Variants in CLVS1 observed in about 807,000 individuals in gnomAD.
The protein encoded by CLVS1 is clavesin-1.
A neutral mutation model predicts 33.1 loss-of-function variants in CLVS1; 10 were observed. That is an observed-to-expected ratio of 0.30 (90% CI 0.19 to 0.51). The LOEUF (loss-of-function observed/expected upper bound fraction) is 0.51. Among genes scored for constraint, CLVS1 ranks in the 20% least tolerant of loss-of-function variants. The pLI is 0.97. For synonymous variants in CLVS1, 163 were observed against 166.1 expected, an observed-to-expected ratio of 0.98 and a Z score of 0.14; for missense variants, 343 against 433.4, an observed-to-expected ratio of 0.79 and a Z score of 1.85.
chr8:61,079,404 T>A (rs561650383), intron 1 of CLVS1, among the ~76,000 whole-genome samples: 44 of 152,364 alleles, frequency 2.9e-4, no homozygotes, highest in African/African-American at 9.1e-4. Context: ...TATGTTAAAC[T>A]GCAATCCACT....
intron 2 of CLVS1, among the ~76,000 whole-genome samples, chr8:61,308,679 A>C (rs115247538): frequency 3.3e-5 from 5 of 152,286 alleles, no homozygotes; most frequent in African/African-American, 1.2e-4. Flanking sequence ...AGAGCCCTCG[A>C]TGGAGACTGT....
chr8:61,112,983 C>T, intron 1 of CLVS1, among the ~76,000 whole-genome samples: 1 of 152,118 alleles, frequency 6.6e-6, no homozygotes, highest in South Asian at 2.1e-4. Flanking sequence ...GGGAGGATAT[C>T]TCCTCCCAAC....
At chr8:61,461,064 T>G (rs755975541) in intron 5 of CLVS1, among the ~76,000 whole-genome samples, 4 of 152,198 alleles carry the variant, frequency 2.6e-5, no homozygotes, top group Non-Finnish European at 5.9e-5. Flanking sequence ...CCAGTTGAGG[T>G]GTCTGTGGTG....
At chr8:61,471,475 C>A (rs1448014657) in intron 5 of CLVS1, among the ~76,000 whole-genome samples, 7 of 152,052 alleles carry the variant, frequency 4.6e-5, no homozygotes, top group African/African-American at 1.7e-4. Context: ...AAAGGAGGGG[C>A]CTTGAGTTCC....
the CLVS1 span, among the ~76,000 whole-genome samples, chr8:60,977,981 CA>C: frequency 6.6e-6 from 1 of 152,220 alleles, no homozygotes; most frequent in Non-Finnish European, 1.5e-5. Flanking sequence ...CCTCAGGAAT[CA>C]TGGAGACCAG....
intron 2 of CLVS1, among the ~76,000 whole-genome samples, chr8:61,166,430 G>A (rs569791316): frequency 1.3e-5 from 2 of 152,148 alleles, no homozygotes; most frequent in South Asian, 2.1e-4. Flanking sequence ...CACCGTGCCC[G>A]ACCTGAAAGC....
chr8:61,020,784 G>A, the CLVS1 span, among the ~76,000 whole-genome samples: 1 of 152,204 alleles, frequency 6.6e-6, no homozygotes, highest in Admixed American at 6.5e-5. Flanking sequence ...ATCTACTTGT[G>A]CAATGGATGA....
At chr8:61,115,270 T>C (rs1805696646) in intron 1 of CLVS1, among the ~76,000 whole-genome samples, 1 of 152,202 alleles carries the variant, frequency 6.6e-6, no homozygotes, top group South Asian at 2.1e-4. Context: ...AAATGAGATA[T>C]TGTATGCAAG....
the CLVS1 span, among the ~76,000 whole-genome samples, chr8:61,026,098 T>G: frequency 1.4e-5 from 2 of 145,640 alleles, no homozygotes; most frequent in African/African-American, 5.0e-5. Flanking sequence ...AATGAGACTG[T>G]GTTTGGAGAC....
chr8:61,055,500 A>G (rs1246753549), upstream of CLVS1, among the ~76,000 whole-genome samples: 1 of 152,226 alleles, frequency 6.6e-6, no homozygotes, highest in Non-Finnish European at 1.5e-5. Flanking sequence ...ATTCTACTTC[A>G]TGAATTTACC....
intron 2 of CLVS1, among the ~76,000 whole-genome samples, chr8:61,157,814 C>A (rs1387196732): frequency 6.6e-6 from 1 of 151,778 alleles, no homozygotes; most frequent in Admixed American, 6.6e-5. Flanking sequence ...TTAAGAAATG[C>A]AAATTAAAGC....
At chr8:61,128,763 C>T (rs577432190) in intron 1 of CLVS1, among the ~76,000 whole-genome samples, 2 of 152,338 alleles carry the variant, frequency 1.3e-5, no homozygotes, top group East Asian at 3.9e-4. Flanking sequence ...AGCCCTGCCC[C>T]CTGAAAACTG....
chr8:61,350,314 T>C (rs932630501), intron 2 of CLVS1, among the ~76,000 whole-genome samples: 1 of 151,990 alleles, frequency 6.6e-6, no homozygotes, highest in Non-Finnish European at 1.5e-5. Flanking sequence ...CTGACTTCTC[T>C]TTCCAGAGGT....
At chr8:61,332,456 T>C (rs982780753) in intron 2 of CLVS1, among the ~76,000 whole-genome samples, 1 of 152,170 alleles carries the variant, frequency 6.6e-6, no homozygotes, top group East Asian at 1.9e-4. Context: ...TTTTGCTGGC[T>C]TACTTTCTCT....
intron 2 of CLVS1, among the ~76,000 whole-genome samples, chr8:61,240,948 T>C (rs932278948): frequency 2.1e-5 from 3 of 146,182 alleles, no homozygotes; most frequent in Non-Finnish European, 3.0e-5. Flanking sequence ...CAAGCTGCTA[T>C]AACAAACTAC....
At chr8:61,142,683 G>A (rs1416990817) in intron 2 of CLVS1, among the ~76,000 whole-genome samples, 1 of 152,164 alleles carries the variant, frequency 6.6e-6, no homozygotes, top group Non-Finnish European at 1.5e-5. Context: ...CTGAACCTGA[G>A]CAAAACAGGC....
At chr8:61,478,399 C>T (rs1818046400) in intron 5 of CLVS1, among the ~76,000 whole-genome samples, 1 of 152,132 alleles carries the variant, frequency 6.6e-6, no homozygotes. Flanking sequence ...GATGATCTGT[C>T]TAATGTTGAC....
chr8:61,216,346 C>G (rs1171362467), intron 2 of CLVS1, among the ~76,000 whole-genome samples: 1 of 152,204 alleles, frequency 6.6e-6, no homozygotes, highest in South Asian at 2.1e-4. Context: ...AAAACATGCT[C>G]TGGAAGCCAC....
At chr8:61,080,059 G>A (rs1041824070) in intron 1 of CLVS1, among the ~76,000 whole-genome samples, 3 of 152,136 alleles carry the variant, frequency 2.0e-5, no homozygotes. Context: ...TTTATTGTGG[G>A]CACTAAATTT....
Sources: gnomAD v4.1 joint callset for allele counts (sites outside exome capture counted in the v4.1 genomes callset) on GRCh38, gnomAD v4.1.1 for gene constraint, MANE v1.5 for transcripts, NCBI Gene and HGNC (gene_info 2026-07-23, HGNC 2026-07-21) for gene names.